Variants in CA8 observed in about 807,000 individuals in gnomAD.
CA8 encodes the protein carbonic anhydrase-related protein.
In CA8, 22 loss-of-function variants were observed where a neutral mutation model predicts 41.4. The observed-to-expected ratio is 0.53, with a 90% CI of 0.38 to 0.76. CA8 has a LOEUF of 0.76. Among genes scored for constraint, CA8 ranks in the 30% least tolerant of loss-of-function variants. CA8 has a pLI of 0.00. For synonymous variants in CA8, 121 were observed against 130.6 expected (o/e 0.93, Z 0.50); for missense variants, 270 against 352.8 (o/e 0.77, Z 1.88).
chr8:60,250,346 C>T (rs79865923), intron 3 of CA8, among the ~76,000 whole-genome samples: 3,730 of 152,230 alleles, frequency 0.025, 159 homozygotes, highest in African/African-American at 0.085. Flanking sequence ...TTACATACCA[C>T]AGTTTTCCAA....
Position 60,190,379 on chromosome 8 carries a change from C to T in CA8, c.*36-394G>A, listed in dbSNP as rs149456037. Among the ~76,000 whole-genome samples, 617 of 148,086 alleles carry T rather than the reference C, an allele frequency of 4.2e-3. 9 individuals are homozygous for T. Among genetic ancestry groups the T allele is most frequent in the African/African-American group, 0.014 (572 of 40,530 alleles). ...TAGCTCAAGAGCACACAGACCCCTTCATTCCTAATTCCCAAATGACTTACA... is the reference window on the plus strand; with the variant it reads ...TAGCTCAAGAGCACACAGACCCCTTTATTCCTAATTCCCAAATGACTTACA... On this transcript the variant is annotated intron_variant, in intron 8 of 8. Coordinates refer to ENST00000317995, the MANE Select transcript of CA8 (RefSeq NM_004056.6).
intron 2 of CA8, among the ~76,000 whole-genome samples, chr8:60,275,101 A>G (rs116117830): frequency 8.4e-4 from 128 of 152,240 alleles, no homozygotes; most frequent in African/African-American, 2.9e-3. Flanking sequence ...CCCAACCCCA[A>G]AACAAAAACA....
chr8:60,266,086 A>G, intron 2 of CA8, 37 bp from the exon 3 acceptor site: 1 of 1,605,558 alleles, frequency 6.2e-7, no homozygotes, highest in African/African-American at 1.3e-5. Context: ...ATTACAGCAC[A>G]CATTTACCTC....
At chr8:60,249,236 T>G (rs989097322) in intron 3 of CA8, among the ~76,000 whole-genome samples, 10 of 152,142 alleles carry the variant, frequency 6.6e-5, no homozygotes, top group African/African-American at 9.7e-5. Flanking sequence ...GAGGAAAAGC[T>G]AAAATGCTGA....
Position 60,241,564 on chromosome 8 carries a change from A to C in CA8, c.418-9185T>G, listed in dbSNP as rs568382542. Among the ~76,000 whole-genome samples the C allele has an allele frequency of 5.9e-5, 9 of 152,362 alleles. 1 individual carries two copies. Among genetic ancestry groups the C allele is most frequent in the South Asian group, 4.1e-4 (2 of 4,832 alleles). On this transcript the variant is annotated intron_variant, in intron 3 of 8. Transcript: ENST00000317995. Reference sequence around the variant, plus strand: ...ACACCATTGGACTCTTCTCCCAAAAATGAAGCTTCCTTTATGAAATTCACT... The same window carrying C: ...ACACCATTGGACTCTTCTCCCAAAACTGAAGCTTCCTTTATGAAATTCACT...
At chr8:60,201,898 T>C (rs1806443400) in intron 8 of CA8, among the ~76,000 whole-genome samples, 2 of 152,232 alleles carry the variant, frequency 1.3e-5, no homozygotes, top group South Asian at 2.1e-4. Context: ...CTGAAAGCTG[T>C]TCAGAATCAG....
At chr8:60,278,916 C>A (rs1804324607) in intron 2 of CA8, among the ~76,000 whole-genome samples, 1 of 152,030 alleles carries the variant, frequency 6.6e-6, no homozygotes. Context: ...TAATTTTTCC[C>A]AAAAGAAAAA....
intron 8 of CA8, among the ~76,000 whole-genome samples, chr8:60,190,476 T>TA (rs58272290): frequency 5.2e-5 from 6 of 116,092 alleles, no homozygotes; most frequent in Middle Eastern, 4.6e-3. Flanking sequence ...TATATATATA[T>TA]GACAATAGTA....
rs542508480 is a variant in CA8, at chr8:60,186,664, C to A, written c.*3357G>T. On this transcript the variant is annotated 3_prime_UTR_variant, in exon 9 of 9. Coordinates refer to ENST00000317995, the MANE Select transcript of CA8 (RefSeq NM_004056.6). The stretch of plus-strand genomic sequence containing the variant: ...ACAAGATCCAACTATAAGTTGGAGA[C>A]ACACTTTAGATTCAAAAATATAAAT... Among the ~76,000 whole-genome samples the A allele has an allele frequency of 2.0e-4, 30 of 151,534 alleles. No homozygotes were observed. The South Asian group carries it at 5.6e-3, about 28-fold the overall frequency.
At chr8:60,258,798 G>A (rs1272903345) in intron 3 of CA8, among the ~76,000 whole-genome samples, 3 of 152,002 alleles carry the variant, frequency 2.0e-5, no homozygotes, top group South Asian at 2.1e-4. Context: ...TAGGGTTCAT[G>A]CTCCTATGAA....
Position 60,279,793 on chromosome 8 carries a change from G to C in CA8, c.188C>G (p.Pro63Arg). 1.2e-6 allele frequency: 2 copies of C among 1,614,036 alleles called. No individual in the cohort carries two copies. Among genetic ancestry groups the C allele is most frequent in the Non-Finnish European group, 1.7e-6 (2 of 1,179,992 alleles). ...GGAGAGGCGGACATCCAACAGCGAG[G>C]GGTCATACCTAGCCTCTCTTGAGTT... ...NLNSREARYD[P>R]SLLDVRLSPN... Residue 63 changes from proline (P) to arginine (R), a missense_variant, in exon 2 of 9, where the codon CCC (proline) becomes CGC (arginine). By Grantham distance (103) the Pro-to-Arg change is moderately radical. Transcript: ENST00000317995.
chr8:60,218,373 G>C (rs1218333194), intron 7 of CA8, among the ~76,000 whole-genome samples: 1 of 151,958 alleles, frequency 6.6e-6, no homozygotes, highest in African/African-American at 2.4e-5. Context: ...TTCTTTGAGA[G>C]TGTCTTTTTT....
intron 8 of CA8, among the ~76,000 whole-genome samples, chr8:60,200,242 G>A (rs1039396781): frequency 6.6e-6 from 1 of 152,196 alleles, no homozygotes; most frequent in African/African-American, 2.4e-5. Flanking sequence ...CTAGCCTCTA[G>A]AACTGTGAGA....
chr8:60,212,403 C>T (rs533022702), intron 7 of CA8, among the ~76,000 whole-genome samples: 20 of 152,208 alleles, frequency 1.3e-4, no homozygotes, highest in Non-Finnish European at 2.6e-4. Flanking sequence ...AGTCAGTATG[C>T]TCTATCCATT....
At chr8:60,243,423 T>C (rs557758353) in intron 3 of CA8, among the ~76,000 whole-genome samples, 90 of 141,104 alleles carry the variant, frequency 6.4e-4, no homozygotes, top group East Asian at 4.2e-4. Context: ...TAGATGTTTC[T>C]CCTCTTTAAA....
chr8:60,230,089 T>C (rs879379830), intron 4 of CA8, among the ~76,000 whole-genome samples: 2 of 152,320 alleles, frequency 1.3e-5, no homozygotes, highest in South Asian at 4.2e-4. Context: ...CTTTGCTCTA[T>C]AAATAATTTT....
At chr8:60,239,293 C>T (rs1585890869) in intron 3 of CA8, among the ~76,000 whole-genome samples, 1 of 152,088 alleles carries the variant, frequency 6.6e-6, no homozygotes, top group Non-Finnish European at 1.5e-5. Context: ...TGTAAACCCA[C>T]ATCAGAACAA....
At chr8:60,232,835 T>C (rs952573402) in intron 3 of CA8, among the ~76,000 whole-genome samples, 17 of 152,164 alleles carry the variant, frequency 1.1e-4, no homozygotes, top group African/African-American at 4.1e-4. Context: ...CAGTAAATTA[T>C]TTCAACTTTC....
At chr8:60,256,203 C>G (rs764942045) in intron 3 of CA8, among the ~76,000 whole-genome samples, 2 of 152,200 alleles carry the variant, frequency 1.3e-5, no homozygotes, top group Non-Finnish European at 2.9e-5. Context: ...AGCCGCCACA[C>G]TCGGCCTAAA....
Sources: allele counts gnomAD v4.1 joint callset (sites outside exome capture counted in the v4.1 genomes callset), GRCh38; gene constraint gnomAD v4.1.1; transcripts MANE v1.5; gene names NCBI Gene and HGNC (gene_info 2026-07-23, HGNC 2026-07-21).